Variants in TTC7A observed in about 807,000 individuals in gnomAD.
The protein encoded by TTC7A is tetratricopeptide repeat protein 7A.
Under a neutral mutation model 103.7 loss-of-function variants are expected in TTC7A, and 110 were observed. The observed-to-expected ratio is 1.06, with a 90% CI of 0.91 to 1.24. TTC7A has a LOEUF of 1.24. TTC7A is among the 50% of genes most tolerant of loss of function. TTC7A has a pLI of 0.00. For synonymous variants in TTC7A, 521 were observed against 467.9 expected, an observed-to-expected ratio of 1.11 and a Z score of -1.47; for missense variants, 1,340 against 1,116.3, an observed-to-expected ratio of 1.20 and a Z score of -2.86.
intron 10 of TTC7A, among the ~76,000 whole-genome samples, chr2:47,010,369 T>C (rs545778263): frequency 2.0e-5 from 3 of 152,352 alleles, no homozygotes; most frequent in Admixed American, 2.0e-4. Context: ...AGATTTGGCC[T>C]GTGAACTGTT....
upstream of TTC7A, among the ~76,000 whole-genome samples, chr2:46,937,109 G>A (rs1247397208): frequency 1.3e-5 from 2 of 151,992 alleles, no homozygotes; most frequent in Admixed American, 1.3e-4. This position sits in a 1 kb window ranked among gnomAD's most constrained non-coding sequence, Gnocchi z 4.0. Flanking sequence ...GCCCACCTTG[G>A]CCTCCCAAAG....
intron 19 of TTC7A, among the ~76,000 whole-genome samples, chr2:47,070,479 C>T (rs973287823): frequency 6.6e-6 from 1 of 152,216 alleles, no homozygotes; most frequent in Non-Finnish European, 1.5e-5. Flanking sequence ...TGTTGAGCTG[C>T]TGTCCTTTGG....
intron 8 of TTC7A, 39 bp from the exon 9 acceptor site, chr2:47,005,883 A>T (rs773916873): frequency 1.2e-6 from 2 of 1,610,950 alleles, no homozygotes; most frequent in Non-Finnish European, 1.7e-6. Flanking sequence ...CTGCTTATCT[A>T]CTCTCCTCAC....
chr2:46,962,738 C>G (rs1410310563), intron 3 of TTC7A, among the ~76,000 whole-genome samples: 1 of 152,228 alleles, frequency 6.6e-6, no homozygotes, highest in African/African-American at 2.4e-5. Flanking sequence ...TGCCTTGACT[C>G]TTGGCCTTTT....
chr2:46,962,261 G>A (rs1225110057), intron 3 of TTC7A, among the ~76,000 whole-genome samples: 1 of 151,998 alleles, frequency 6.6e-6, no homozygotes, highest in African/African-American at 2.4e-5. Context: ...ATTCTCCTCC[G>A]ACACAGTTCA....
chr2:46,937,567 G>C (rs955782308), upstream of TTC7A, among the ~76,000 whole-genome samples: 22 of 152,102 alleles, frequency 1.4e-4, no homozygotes, highest in African/African-American at 4.8e-4. This position sits in a 1 kb window ranked among gnomAD's most constrained non-coding sequence, Gnocchi z 4.0. Flanking sequence ...CAAAACATTG[G>C]ATGAAAAAGT....
Position 46,941,306 on chromosome 2 carries a change from G to T in TTC7A, c.-236G>T. ...GCGGAGGTTGCTCCTGTACGCGTAC[G>T]GGCCGCTCGGCCGGAGCCGCAGCCC... On this transcript the variant is annotated 5_prime_UTR_variant, in exon 1 of 20. Coordinates refer to ENST00000319190, the MANE Select transcript of TTC7A (RefSeq NM_020458.4). This position sits in a 1 kb window ranked among gnomAD's most constrained non-coding sequence, Gnocchi z 4.2. 1 of 188,694 alleles carries T rather than the reference G, an allele frequency of 5.3e-6. No homozygotes were observed. The highest frequency in any genetic ancestry group is 1.0e-5 in the Non-Finnish European group (1 of 96,194). 11.7% of individuals were successfully genotyped at this position (188,694 alleles called of 1,614,324 possible). A position where few individuals can be genotyped will look rare whatever the true frequency, so the allele number is the denominator to read the frequency against.
intron 19 of TTC7A, among the ~76,000 whole-genome samples, chr2:47,066,317 C>A (rs543406120): frequency 3.7e-4 from 56 of 152,230 alleles, no homozygotes; most frequent in Middle Eastern, 3.4e-3. Flanking sequence ...ATCCCTCACC[C>A]CAGGCTGTGG....
intron 8 of TTC7A, among the ~76,000 whole-genome samples, chr2:47,000,108 G>A (rs1425982931): frequency 6.6e-6 from 1 of 152,194 alleles, no homozygotes; most frequent in African/African-American, 2.4e-5. Flanking sequence ...GAAAATGAAT[G>A]TGAAGTGCCT....
chr2:47,065,767 C>A (rs1684133800), intron 19 of TTC7A: 1 of 152,244 alleles, frequency 6.6e-6, no homozygotes, highest in South Asian at 2.1e-4. Flanking sequence ...ACCCACTCTC[C>A]CTGCCCTCAG....
chr2:46,969,646 C>T (rs755025133), intron 3 of TTC7A, among the ~76,000 whole-genome samples: 10 of 151,998 alleles, frequency 6.6e-5, no homozygotes, highest in Admixed American at 1.3e-4. Flanking sequence ...AATCTGACCT[C>T]GTGATCCGTC....
At chr2:46,994,279 T>C (rs1004276254) in intron 6 of TTC7A, 78 bp from the exon 7 acceptor site, 3 of 1,506,290 alleles carry the variant, frequency 2.0e-6, no homozygotes, top group Non-Finnish European at 2.7e-6. Context: ...TTAGCTGGGA[T>C]GGGCAGAGGG....
At chr2:46,980,756 G>C (rs1399867735) in intron 5 of TTC7A, among the ~76,000 whole-genome samples, 1 of 152,202 alleles carries the variant, frequency 6.6e-6, no homozygotes, top group African/African-American at 2.4e-5. Context: ...ACAAATAGCA[G>C]GTTCCCAGGT....
rs202163155 is a variant in TTC7A, at chr2:46,950,391, G to A, written c.213G>A (p.Glu71=). Residue 71 remains glutamate (E), a synonymous_variant, in exon 2 of 20, where the codon GAG becomes GAA. Coordinates refer to ENST00000319190, the MANE Select transcript of TTC7A (RefSeq NM_020458.4). ...TDDFGKLLLA[E]ALLEQCLKEN... is the part of the protein sequence containing the mutation. ...ACTTTGGGAAATTGCTGCTGGCTGA[G>A]GCCCTCCTGGAGCAGTGTTTGAAGG... 1.3e-5 allele frequency: 21 copies of A among 1,614,116 alleles called. No individual in the cohort carries two copies. Among genetic ancestry groups the A allele is most frequent in the Non-Finnish European group, 1.8e-5 (21 of 1,180,024 alleles).
At chr2:47,015,517 C>A (rs944100123) in intron 11 of TTC7A, among the ~76,000 whole-genome samples, 2 of 152,172 alleles carry the variant, frequency 1.3e-5, no homozygotes, top group African/African-American at 4.8e-5. Context: ...CCATGTACTC[C>A]CACTTACTAG....
chr2:47,070,424 G>A (rs1684580765), intron 19 of TTC7A, among the ~76,000 whole-genome samples: 1 of 152,234 alleles, frequency 6.6e-6, no homozygotes, highest in Non-Finnish European at 1.5e-5. Context: ...GGTGTCTCTG[G>A]GTTCCCTGGC....
chr2:47,042,863 G>A (rs971342726), intron 15 of TTC7A, among the ~76,000 whole-genome samples: 4 of 152,188 alleles, frequency 2.6e-5, no homozygotes, highest in Non-Finnish European at 5.9e-5. Flanking sequence ...GGTGTTTTAG[G>A]CTCAGTTGGT....
At chr2:46,919,000 A>G (rs1432714658) in intron 2 of TTC7A, among the ~76,000 whole-genome samples, 1 of 152,218 alleles carries the variant, frequency 6.6e-6, no homozygotes, top group African/African-American at 2.4e-5. Flanking sequence ...AGGTGGCTTT[A>G]TCAGGAGATA....
intron 8 of TTC7A, among the ~76,000 whole-genome samples, chr2:47,005,409 G>A (rs1364943489): frequency 6.6e-6 from 1 of 152,088 alleles, no homozygotes; most frequent in Admixed American, 6.5e-5. Context: ...TGTGAGAATT[G>A]CAAACACACC....
Sources: gnomAD v4.1 joint callset for allele counts (sites outside exome capture counted in the v4.1 genomes callset) on GRCh38, gnomAD v4.1.1 for gene constraint, Gnocchi (gnomAD v3.1) non-coding constraint, MANE v1.5 for transcripts, NCBI Gene and HGNC (gene_info 2026-07-23, HGNC 2026-07-21) for gene names.